The following ATE1 variants were observed in gnomAD, a reference collection of about 807,000 sequenced individuals.
The protein encoded by ATE1 is arginyltransferase 1.
Under a neutral mutation model 70.5 loss-of-function variants are expected in ATE1, and 36 were observed. That is an observed-to-expected ratio of 0.51 (90% CI 0.39 to 0.67). ATE1 has a LOEUF of 0.67. ATE1 is among the 30% of genes least tolerant of loss of function. ATE1 has a pLI of 0.00. For synonymous variants in ATE1, 232 were observed against 219.3 expected, an observed-to-expected ratio of 1.06 and a Z score of -0.51; for missense variants, 593 against 629.5, an observed-to-expected ratio of 0.94 and a Z score of 0.62.
chr10:121,893,780 T>C (rs1950664897), intron 7 of ATE1, among the ~76,000 whole-genome samples: 1 of 152,084 alleles, frequency 6.6e-6, no homozygotes, highest in South Asian at 2.1e-4. Context: ...ATTAAAATGT[T>C]ACACTAGAAA....
At chr10:121,797,022 C>T (rs1164643333) in intron 10 of ATE1, among the ~76,000 whole-genome samples, 1 of 152,062 alleles carries the variant, frequency 6.6e-6, no homozygotes, top group African/African-American at 2.4e-5. Context: ...ATTTTGATAG[C>T]CAGAGGTTAA....
intron 4 of ATE1, among the ~76,000 whole-genome samples, chr10:121,913,192 T>G (rs796858123): frequency 5.3e-5 from 8 of 152,126 alleles, no homozygotes; most frequent in African/African-American, 1.7e-4. Flanking sequence ...ATATGAAAAT[T>G]TAAAGAAATA....
chr10:121,928,343 T>C (rs1465886057), upstream of ATE1: 2 of 1,521,946 alleles, frequency 1.3e-6, no homozygotes, highest in Non-Finnish European at 1.8e-6. Flanking sequence ...TCGGGAACAC[T>C]CACCGCAGGA....
In ATE1 at chr10:121,740,544, GCTTT is replaced by G. The variant is rs1259418185; in HGVS notation, c.*3132_*3135del. On this transcript the variant is annotated 3_prime_UTR_variant, in exon 12 of 12. Transcript: ENST00000224652. ...AACTTCTTTTGCCTTATAGTCATTG[GCTTT>G]CTTTTAGAAAAGAGTGTGCACTTGA... The G allele has an allele frequency of 6.6e-6, 1 of 152,112 alleles. No individual in the cohort carries two copies. The highest frequency in any genetic ancestry group is 1.5e-5 in the Non-Finnish European group (1 of 68,010). 9.4% of individuals were successfully genotyped at this position (152,112 alleles called of 1,614,324 possible).
In ATE1 at chr10:121,913,858, T is replaced by C. The variant is rs1289319400; in HGVS notation, c.269A>G (p.His90Arg). 6.2e-7 allele frequency: 1 copy of C among 1,612,354 alleles called. No homozygotes were observed. Among genetic ancestry groups the C allele is most frequent in the East Asian group, 2.2e-5 (1 of 44,836 alleles). Residue 90 changes from histidine (H) to arginine (R), a missense_variant, in exon 4 of 12, where the codon CAC (histidine) becomes CGC (arginine). Physicochemically the swap from His to Arg is conservative, Grantham distance 29 (BLOSUM62 0). This residue lies in a region of ATE1 where 467 missense variants were observed against 469.6 expected (regional missense o/e 0.99). Coordinates refer to ENST00000224652, the MANE Select transcript of ATE1 (RefSeq NM_001001976.3). ...RPLQFQPSKS[H>R]KKVLKKMLKF... Reference sequence around the variant, plus strand: ...CAACATTTTTTTCAAAACCTTCTTGTGAGATTTTGAAGGCTGAAATTGTAA... The same window carrying C: ...CAACATTTTTTTCAAAACCTTCTTGCGAGATTTTGAAGGCTGAAATTGTAA...
intron 11 of ATE1, among the ~76,000 whole-genome samples, chr10:121,762,834 G>A (rs867753703): frequency 6.6e-6 from 1 of 152,118 alleles, no homozygotes; most frequent in Non-Finnish European, 1.5e-5. Flanking sequence ...TATTAGAAGC[G>A]TTTCAGTTTT....
At chr10:121,833,508 G>T (rs1008805382) in intron 10 of ATE1, among the ~76,000 whole-genome samples, 1 of 152,068 alleles carries the variant, frequency 6.6e-6, no homozygotes, top group Non-Finnish European at 1.5e-5. Context: ...ACTAGTTCTG[G>T]GAAGAAATGT....
chr10:121,849,472 A>G (rs1378077328), intron 8 of ATE1, among the ~76,000 whole-genome samples: 1 of 152,172 alleles, frequency 6.6e-6, no homozygotes, highest in Non-Finnish European at 1.5e-5. Context: ...TACCATAGAC[A>G]TTACTCCCAT....
chr10:121,853,317 T>C (rs1949125535), intron 8 of ATE1, among the ~76,000 whole-genome samples: 1 of 136,160 alleles, frequency 7.3e-6, no homozygotes, highest in African/African-American at 2.8e-5. Flanking sequence ...TGAGCAGAGA[T>C]CATGCCACTG....
intron 6 of ATE1, among the ~76,000 whole-genome samples, chr10:121,900,782 A>G (rs1224670310): frequency 6.6e-6 from 1 of 152,224 alleles, no homozygotes; most frequent in Non-Finnish European, 1.5e-5. Context: ...GTATCATTAC[A>G]TTCAAAAAGT....
chr10:121,911,325 T>A (rs774178320), intron 4 of ATE1, among the ~76,000 whole-genome samples, 174 bp from the exon 5 acceptor site: 8 of 151,938 alleles, frequency 5.3e-5, no homozygotes, highest in African/African-American at 7.3e-5. Context: ...CAGCTGGGCA[T>A]GGTGGTTCAT....
chr10:121,927,011 T>C, intron 1 of ATE1: 1 of 985,404 alleles, frequency 1.0e-6, no homozygotes. Flanking sequence ...TCATGGAAAA[T>C]GCCTGTGTGT....
chr10:121,891,455 G>A (rs1262814572), intron 7 of ATE1, among the ~76,000 whole-genome samples: 1 of 152,130 alleles, frequency 6.6e-6, no homozygotes, highest in Admixed American at 6.6e-5. Context: ...ACAGCTGCCT[G>A]CATTTACATA....
intron 6 of ATE1, 109 bp downstream of exon 6, chr10:121,902,282 T>C (rs746114269): frequency 8.5e-5 from 84 of 986,734 alleles, no homozygotes; most frequent in Non-Finnish European, 1.2e-4. Flanking sequence ...TAAATTCTCA[T>C]TATTTAACTA....
chr10:121,853,158 G>A (rs1231420099), intron 8 of ATE1, among the ~76,000 whole-genome samples: 1 of 151,916 alleles, frequency 6.6e-6, no homozygotes, highest in Non-Finnish European at 1.5e-5. Context: ...AGGTCAGGAG[G>A]TCGAGACCAT....
chr10:121,823,624 G>C (rs1393981735), intron 10 of ATE1, among the ~76,000 whole-genome samples: 3 of 152,242 alleles, frequency 2.0e-5, no homozygotes, highest in Admixed American at 6.5e-5. Flanking sequence ...CAGTAGGCCA[G>C]GGTAGAGCTC....
rs927240389 is a variant in ATE1 at position 121,927,074 on chromosome 10, G to C, written c.106+770C>G. 17 of 985,162 alleles carry C rather than the reference G, an allele frequency of 1.7e-5. No homozygotes were observed. The African/African-American group carries it at 2.8e-4, about 16-fold the overall frequency. The allele number at this position is 985,162 out of a possible 1,614,324, so 61.0% of individuals were successfully genotyped here. On this transcript the variant is annotated intron_variant, in intron 1 of 11. Coordinates refer to ENST00000224652, the MANE Select transcript of ATE1 (RefSeq NM_001001976.3). ...GCTAGACTGTTCTATTAAAATAATA[G>C]AGTCTACATTCTATATTGGCAAATG...
chr10:121,917,478 C>T (rs1951707118), intron 3 of ATE1, among the ~76,000 whole-genome samples: 1 of 152,118 alleles, frequency 6.6e-6, no homozygotes, highest in Non-Finnish European at 1.5e-5. Context: ...TACACAGTCA[C>T]AATGGATATG....
intron 9 of ATE1, among the ~76,000 whole-genome samples, chr10:121,840,537 A>G (rs908558906): frequency 1.3e-5 from 2 of 152,154 alleles, no homozygotes; most frequent in Admixed American, 1.3e-4. Context: ...TTTAAGGAAT[A>G]TAAGTAGTTC....
Sources: gnomAD v4.1 joint callset for allele counts (sites outside exome capture counted in the v4.1 genomes callset) on GRCh38, gnomAD v4.1.1 for gene constraint, gnomAD v4.1.1 regional missense constraint, MANE v1.5 for transcripts, NCBI Gene and HGNC (gene_info 2026-07-23, HGNC 2026-07-21) for gene names.